Variants in WWTR1 observed in about 807,000 individuals in gnomAD.
WWTR1 encodes WW domain-containing transcription regulator protein 1.
Under a neutral mutation model 40.1 loss-of-function variants are expected in WWTR1, and 13 were observed. That is an observed-to-expected ratio of 0.32 (90% confidence interval 0.21 to 0.52). WWTR1 has a LOEUF of 0.52. Among genes scored for constraint, WWTR1 ranks in the 20% least tolerant of loss-of-function variants. The pLI is 0.97. For missense variants in WWTR1, 436 were observed against 523.1 expected (o/e 0.83, Z 1.63); for synonymous variants, 230 against 210.1 (o/e 1.09, Z -0.82).
chr3:149,522,360 G>A (rs1278976314), intron 6 of WWTR1, among the ~76,000 whole-genome samples: 1 of 152,082 alleles, frequency 6.6e-6, no homozygotes, highest in African/African-American at 2.4e-5. Context: ...TTGGATTTTG[G>A]TGATAGCAAA....
At chr3:149,640,993 AT>A (rs1244026702) in intron 2 of WWTR1, among the ~76,000 whole-genome samples, 1 of 152,082 alleles carries the variant, frequency 6.6e-6, no homozygotes, top group East Asian at 1.9e-4. Context: ...GAAAAACCAA[AT>A]TATTTAAACA....
intron 2 of WWTR1, among the ~76,000 whole-genome samples, chr3:149,640,560 ACAAG>A (rs1712115645): frequency 6.6e-6 from 1 of 152,084 alleles, no homozygotes; most frequent in Admixed American, 6.5e-5. Flanking sequence ...AGCTGGGATA[ACAAG>A]CATGTGCCAC....
intron 1 of WWTR1, among the ~76,000 whole-genome samples, chr3:149,699,872 A>G (rs892031772): frequency 6.6e-6 from 1 of 152,198 alleles, no homozygotes; most frequent in Admixed American, 6.5e-5. Context: ...CCTGTGACCC[A>G]GTTCCAAAGC....
chr3:149,642,873 C>T (rs1712265173), intron 2 of WWTR1, among the ~76,000 whole-genome samples: 2 of 151,990 alleles, frequency 1.3e-5, no homozygotes, highest in Admixed American at 6.6e-5. Context: ...AAAGTGGGGA[C>T]GGTTGCACTA....
intron 4 of WWTR1, among the ~76,000 whole-genome samples, chr3:149,530,691 T>C (rs746398476): frequency 1.8e-4 from 27 of 152,166 alleles, no homozygotes; most frequent in Non-Finnish European, 2.5e-4. Flanking sequence ...ACCTATACTA[T>C]ATTGGAGGAA....
chr3:149,565,956 C>T (rs1045020126), intron 3 of WWTR1, among the ~76,000 whole-genome samples: 21 of 151,346 alleles, frequency 1.4e-4, no homozygotes, highest in Admixed American at 4.6e-4. Flanking sequence ...AAAGAATCTC[C>T]TCTTCGAAAC....
intron 1 of WWTR1, among the ~76,000 whole-genome samples, chr3:149,671,101 C>T (rs975587450): frequency 3.3e-5 from 5 of 152,256 alleles, no homozygotes; most frequent in Non-Finnish European, 2.9e-5. Flanking sequence ...GTACTTTCAG[C>T]CAAATATTGC....
At chr3:149,690,558 T>C (rs1714790027) in intron 1 of WWTR1, among the ~76,000 whole-genome samples, 1 of 151,724 alleles carries the variant, frequency 6.6e-6, no homozygotes, top group African/African-American at 2.4e-5. Flanking sequence ...TTCAGCAAGA[T>C]AATACAACAA....
intron 3 of WWTR1, among the ~76,000 whole-genome samples, chr3:149,546,443 A>G (rs1238728288): frequency 1.3e-5 from 2 of 152,224 alleles, no homozygotes; most frequent in Non-Finnish European, 2.9e-5. Context: ...AGAAGGGGAA[A>G]AACCCAAAGG....
intron 1 of WWTR1, among the ~76,000 whole-genome samples, chr3:149,693,721 G>T (rs1376204405): frequency 6.6e-6 from 1 of 152,040 alleles, no homozygotes; most frequent in South Asian, 2.1e-4. Context: ...TTCAACAAAG[G>T]TACCAAGAAC....
chr3:149,639,781 C>T (rs1363873408), intron 2 of WWTR1, among the ~76,000 whole-genome samples: 1 of 151,972 alleles, frequency 6.6e-6, no homozygotes, highest in Non-Finnish European at 1.5e-5. Flanking sequence ...ATCACGAGGT[C>T]AGGAGATCGA....
chr3:149,709,011 AT>A (rs1715401124), intron 5 of WWTR1, among the ~76,000 whole-genome samples: 1 of 151,840 alleles, frequency 6.6e-6, no homozygotes, highest in South Asian at 2.1e-4. Context: ...TTATATTTAT[AT>A]TTTATTTTTC....
At chr3:149,602,670 C>G (rs1464330810) in intron 2 of WWTR1, among the ~76,000 whole-genome samples, 1 of 152,128 alleles carries the variant, frequency 6.6e-6, no homozygotes, top group Non-Finnish European at 1.5e-5. Context: ...GGCTTCCCCC[C>G]CAACTTTTTT....
At chr3:149,601,949 GTTACAT>G (rs957447330) in intron 2 of WWTR1, among the ~76,000 whole-genome samples, 12 of 152,240 alleles carry the variant, frequency 7.9e-5, no homozygotes, top group African/African-American at 2.6e-4. Flanking sequence ...TATGCTTGAA[GTTACAT>G]TTACCCACAG....
chr3:149,660,017 C>T (rs992225143), upstream of WWTR1: 7 of 150,142 alleles, frequency 4.7e-5, no homozygotes, highest in Admixed American at 1.3e-4. Flanking sequence ...CTCCCTGGTT[C>T]AAGCAATTAT....
At chr3:149,557,913 G>A (rs1210026932) in intron 3 of WWTR1, among the ~76,000 whole-genome samples, 1 of 149,206 alleles carries the variant, frequency 6.7e-6, no homozygotes, top group Non-Finnish European at 1.5e-5. Context: ...TGAGGCACGA[G>A]AATCACTTGG....
At chr3:149,674,235 G>C (rs912631855) in intron 1 of WWTR1, among the ~76,000 whole-genome samples, 10 of 148,462 alleles carry the variant, frequency 6.7e-5, no homozygotes, top group African/African-American at 2.5e-4. Flanking sequence ...CTCTGTCTCT[G>C]TCTCTCTCTC....
intron 4 of WWTR1, among the ~76,000 whole-genome samples, chr3:149,721,704 T>A (rs898372491): frequency 6.6e-6 from 1 of 152,150 alleles, no homozygotes; most frequent in African/African-American, 2.4e-5. Flanking sequence ...TTTGGTATAA[T>A]TCACTGGTAA....
intron 5 of WWTR1, among the ~76,000 whole-genome samples, chr3:149,712,323 G>A (rs1456565850): frequency 6.6e-6 from 1 of 152,106 alleles, no homozygotes; most frequent in Non-Finnish European, 1.5e-5. Context: ...TTTATTTTAA[G>A]TATCTTTGCT....
Sources: allele counts gnomAD v4.1 joint callset (sites outside exome capture counted in the v4.1 genomes callset), GRCh38; gene constraint gnomAD v4.1.1; transcripts MANE v1.5; gene names NCBI Gene and HGNC (gene_info 2026-07-23, HGNC 2026-07-21).